CCDC171: variants seen among roughly 807,000 people sequenced by gnomAD.
CCDC171 encodes coiled-coil domain-containing protein 171.
In CCDC171, 177 loss-of-function variants were observed where a neutral mutation model predicts 168.2. The observed-to-expected ratio is 1.05, with a 90% CI of 0.93 to 1.19. CCDC171 has a LOEUF of 1.19. CCDC171 is among the 50% of genes most tolerant of loss of function. CCDC171 has a pLI of 0.00. For missense variants in CCDC171, 1,991 were observed against 1,539.0 expected (o/e 1.29, Z -4.91); for synonymous variants, 687 against 540.8 (o/e 1.27, Z -3.75).
At chr9:15,576,091 C>CAA (rs373120688) in intron 3 of CCDC171, among the ~76,000 whole-genome samples, 64,298 of 140,682 alleles carry the variant, frequency 0.46, 15,119 homozygotes, top group East Asian at 0.81. Context: ...GACTCTGTCT[C>CAA]AAAAAAAAAA....
intron 23 of CCDC171, among the ~76,000 whole-genome samples, chr9:15,854,525 G>T (rs1035950603): frequency 6.6e-6 from 1 of 151,212 alleles, no homozygotes; most frequent in Non-Finnish European, 1.5e-5. Flanking sequence ...TCTTTTTAAG[G>T]GTCCAACTTT....
At chr9:16,105,447 C>G in the CCDC171 span, among the ~76,000 whole-genome samples, 1 of 109,396 alleles carries the variant, frequency 9.1e-6, no homozygotes, top group African/African-American at 5.7e-5. Flanking sequence ...TTCTTGAAGT[C>G]CAGCACCCCC....
chr9:15,787,710 A>G (rs2058041885), intron 21 of CCDC171, among the ~76,000 whole-genome samples: 1 of 152,234 alleles, frequency 6.6e-6, no homozygotes, highest in African/African-American at 2.4e-5. Context: ...ATTGGCCTAC[A>G]GCAAGTTTCT....
chr9:15,585,609 A>G (rs780340623), intron 4 of CCDC171, among the ~76,000 whole-genome samples: 3 of 152,346 alleles, frequency 2.0e-5, no homozygotes, highest in East Asian at 1.9e-4. Context: ...TGACTGGGAA[A>G]GAGTATGAGG....
intron 21 of CCDC171, among the ~76,000 whole-genome samples, chr9:15,832,981 C>CTTTTTT (rs71325937): frequency 4.3e-5 from 3 of 69,426 alleles, no homozygotes; most frequent in African/African-American, 1.1e-4. Flanking sequence ...TCATTATAAT[C>CTTTTTT]TTTTTTTTTT....
At chr9:15,774,246 T>TAAAAAAAAAAAAAAAAAA (rs56239417) in intron 18 of CCDC171, among the ~76,000 whole-genome samples, 1 of 38,022 alleles carries the variant, frequency 2.6e-5, no homozygotes, top group Non-Finnish European at 4.6e-5. Flanking sequence ...ACGCTGTCTT[T>TAAAAAAAAAAAAAAAAAA]AAAAAAAAAA....
chr9:16,042,533 T>C (rs1833589196), upstream of CCDC171, among the ~76,000 whole-genome samples: 1 of 152,188 alleles, frequency 6.6e-6, no homozygotes, highest in South Asian at 2.1e-4. Flanking sequence ...ATAAAGTGAA[T>C]TATAACCCCT....
rs189109695 is a variant in CCDC171, at chr9:15,823,972, C to T, written c.3268-22730C>T. Among the ~76,000 whole-genome samples the T allele has an allele frequency of 6.3e-3, 956 of 152,124 alleles. 7 individuals carry two copies. The highest frequency in any genetic ancestry group is 0.01 in the Non-Finnish European group (686 of 67,986). On this transcript the variant is annotated intron_variant, in intron 21 of 25. Coordinates refer to ENST00000380701, the MANE Select transcript of CCDC171 (RefSeq NM_173550.4). ...CATTCTTGTTTCTTGTCATATGTTG[C>T]CCACTTGAAGAAAACTTAATAGCAT...
intron 15 of CCDC171, among the ~76,000 whole-genome samples, chr9:15,728,846 A>G (rs958372027): frequency 1.3e-5 from 2 of 152,132 alleles, no homozygotes; most frequent in African/African-American, 4.8e-5. Flanking sequence ...ACTGTCCCGT[A>G]AGTTAAAAAA....
At chr9:15,719,389 CG>C (rs1206677427) in intron 11 of CCDC171, among the ~76,000 whole-genome samples, 4 of 20,454 alleles carry the variant, frequency 2.0e-4, no homozygotes, top group Non-Finnish European at 3.9e-4. Context: ...TCAAGGCTGG[CG>C]GGGGGGTGGG....
intron 1 of CCDC171, among the ~76,000 whole-genome samples, chr9:16,055,021 G>A (rs1833814757): frequency 6.6e-6 from 1 of 152,252 alleles, no homozygotes; most frequent in Non-Finnish European, 1.5e-5. Context: ...GGCCAGGTGA[G>A]AGGGGGCAGT....
chr9:15,764,345 G>T (rs2056609455), intron 18 of CCDC171, among the ~76,000 whole-genome samples: 1 of 152,234 alleles, frequency 6.6e-6, no homozygotes, highest in African/African-American at 2.4e-5. Context: ...AGTTAAAGGT[G>T]TAGGTAGTAA....
chr9:15,588,268 AG>A (rs1293191348), intron 4 of CCDC171: 3 of 167,608 alleles, frequency 1.8e-5, no homozygotes, highest in Non-Finnish European at 3.9e-5. Context: ...AGTGGGAAGA[AG>A]AGGCAAGAAG....
chr9:15,899,655 T>G (rs761062316), intron 24 of CCDC171, among the ~76,000 whole-genome samples: 130 of 152,314 alleles, frequency 8.5e-4, no homozygotes, highest in Non-Finnish European at 1.5e-3. Context: ...AATTTGCGAT[T>G]TGTATATTCT....
chr9:16,058,771 G>C (rs1013933370), intron 1 of CCDC171, among the ~76,000 whole-genome samples: 1 of 152,204 alleles, frequency 6.6e-6, no homozygotes, highest in East Asian at 1.9e-4. Flanking sequence ...AATTCTAATT[G>C]TCTCAACTGA....
chr9:15,872,362 AG>A (rs1184273278), intron 23 of CCDC171, among the ~76,000 whole-genome samples: 1 of 152,090 alleles, frequency 6.6e-6, no homozygotes, highest in Non-Finnish European at 1.5e-5. Flanking sequence ...GTTTATTTAG[AG>A]AATATAAAAT....
rs58185618 is a variant in CCDC171 at position 15,619,111 on chromosome 9, C to T, written c.676-4156C>T. On this transcript the variant is annotated intron_variant, in intron 6 of 25. Coordinates refer to ENST00000380701, the MANE Select transcript of CCDC171 (RefSeq NM_173550.4). Reference sequence around the variant, plus strand: ...TCTGTCCAGCCGTTCTTCCAACTCTCCCTCTCGTCTGGCCTTCCTACTCCT... The same window carrying T: ...TCTGTCCAGCCGTTCTTCCAACTCTTCCTCTCGTCTGGCCTTCCTACTCCT... 1.3e-3 allele frequency among the ~76,000 whole-genome samples: 202 copies of T among 152,232 alleles called. 1 individual carries two copies. The highest frequency in any genetic ancestry group is 4.7e-3 in the African/African-American group (197 of 41,532).
In CCDC171 at chr9:15,689,273, A is replaced by T. The variant is rs548973621; in HGVS notation, c.1216-5962A>T. Among the ~76,000 whole-genome samples the T allele has an allele frequency of 2.0e-5, 3 of 152,260 alleles. No homozygotes were observed. The East Asian group carries it at 5.8e-4, about 29-fold the overall frequency. On this transcript the variant is annotated intron_variant, in intron 10 of 25. Transcript: ENST00000380701. The stretch of plus-strand genomic sequence containing the variant: ...TGTAATAGTTAATACTGATGTTAGT[A>T]CTCCCCAGATTGATGGTTTAATGCA...
At chr9:15,983,511 TGAGA>T (rs139449191) in intron 3 of CCDC171, among the ~76,000 whole-genome samples, 2 of 137,380 alleles carry the variant, frequency 1.5e-5, no homozygotes, top group South Asian at 2.4e-4. Context: ...TGTGTGTGTG[TGAGA>T]GAGAGAGAAT....
Sources: gnomAD v4.1 joint callset for allele counts (sites outside exome capture counted in the v4.1 genomes callset) on GRCh38, gnomAD v4.1.1 for gene constraint, MANE v1.5 for transcripts, NCBI Gene and HGNC (gene_info 2026-07-23, HGNC 2026-07-21) for gene names.